Variants in CRIPTO observed in about 807,000 individuals in gnomAD.
CRIPTO encodes protein Cripto.
the CRIPTO span, among the ~76,000 whole-genome samples, chr3:46,575,299 C>T: frequency 6.6e-6 from 1 of 152,216 alleles, no homozygotes; most frequent in Non-Finnish European, 1.5e-5. Context: ...AGTCTACAGG[C>T]CGCCCAGTAG....
chr3:46,578,660 G>A, the CRIPTO span, among the ~76,000 whole-genome samples: 1 of 152,210 alleles, frequency 6.6e-6, no homozygotes, highest in South Asian at 2.1e-4. Context: ...AGCCGAGATC[G>A]CACCATTGCA....
the CRIPTO span, among the ~76,000 whole-genome samples, chr3:46,578,366 C>CA: frequency 6.5e-3 from 900 of 138,234 alleles, 15 homozygotes; most frequent in African/African-American, 0.023. Flanking sequence ...AAGATAATAG[C>CA]AAAAAAAAAA....
At chr3:46,579,774 G>C in the CRIPTO span, 2 of 1,613,156 alleles carry the variant, frequency 1.2e-6, no homozygotes, top group South Asian at 2.2e-5. Context: ...CCTGAATGGG[G>C]GAACCTGCAT....
At chr3:46,577,754 T>A in the CRIPTO span, 3 of 597,698 alleles carry the variant, frequency 5.0e-6, no homozygotes, top group Non-Finnish European at 9.0e-6. Flanking sequence ...AGTCTCCAGC[T>A]CAAGGTCAAA....
the CRIPTO span, among the ~76,000 whole-genome samples, chr3:46,575,789 A>G: frequency 3.3e-4 from 50 of 152,380 alleles, no homozygotes; most frequent in Non-Finnish European, 5.9e-5. Context: ...TGTCTTGTCC[A>G]TAAAGTGAGA....
chr3:46,580,090 C>CCT, the CRIPTO span: 1 of 1,614,142 alleles, frequency 6.2e-7, no homozygotes, highest in Admixed American at 1.7e-5. Context: ...TTTCTTTTGC[C>CCT]CTTTGAAGTT....
the CRIPTO span, chr3:46,581,116 C>A: frequency 1.5e-5 from 24 of 1,597,650 alleles, no homozygotes; most frequent in Middle Eastern, 1.7e-4. Context: ...AATGACCAAG[C>A]ATCCCTACCT....
chr3:46,578,126 G>T, the CRIPTO span: 7 of 1,037,548 alleles, frequency 6.7e-6, no homozygotes, highest in Non-Finnish European at 1.0e-5. Context: ...GCTGCCAACC[G>T]CACTGCTGTT....
the CRIPTO span, chr3:46,580,229 C>G: frequency 2.4e-6 from 2 of 840,468 alleles, no homozygotes; most frequent in Admixed American, 2.3e-5. Context: ...GCCTTGGCCT[C>G]TTTGATATTT....
chr3:46,580,624 A>G, the CRIPTO span, among the ~76,000 whole-genome samples: 1 of 152,186 alleles, frequency 6.6e-6, no homozygotes, highest in African/African-American at 2.4e-5. Context: ...AATACAATGA[A>G]AAGAAGGGCA....
chr3:46,576,806 T>A, the CRIPTO span, among the ~76,000 whole-genome samples: 1 of 152,070 alleles, frequency 6.6e-6, no homozygotes, highest in South Asian at 2.1e-4. Context: ...AGGATTGAAA[T>A]GTTAGGTGAG....
chr3:46,579,369 A>C, the CRIPTO span: 2 of 1,613,926 alleles, frequency 1.2e-6, no homozygotes, highest in Admixed American at 1.7e-5. Context: ...ACAGCACAGT[A>C]AGAACTGCCT....
At chr3:46,579,051 A>T in the CRIPTO span, 59 of 1,610,440 alleles carry the variant, frequency 3.7e-5, no homozygotes, top group Non-Finnish European at 4.9e-5. Flanking sequence ...GTAAGGTTTT[A>T]TTTCCTTTGT....
the CRIPTO span, among the ~76,000 whole-genome samples, chr3:46,575,006 T>G: frequency 6.6e-6 from 1 of 152,254 alleles, no homozygotes; most frequent in Non-Finnish European, 1.5e-5. Context: ...TGAGATGGGC[T>G]GCCTGTGATT....
chr3:46,581,831 A>G, the CRIPTO span: 1 of 204,976 alleles, frequency 4.9e-6, no homozygotes, highest in African/African-American at 2.3e-5. Context: ...TGATACATGT[A>G]ATTCTACCAA....
At chr3:46,581,121 C>T in the CRIPTO span, 62 of 1,608,736 alleles carry the variant, frequency 3.9e-5, no homozygotes, top group Non-Finnish European at 5.0e-5. Context: ...CCAAGCATCC[C>T]TACCTTCCAG....
chr3:46,580,698 G>GC, the CRIPTO span, among the ~76,000 whole-genome samples: 2 of 152,142 alleles, frequency 1.3e-5, no homozygotes, highest in Non-Finnish European at 2.9e-5. Context: ...GGTTTCTAGG[G>GC]CCCCCCAAAT....
the CRIPTO span, chr3:46,579,275 G>GAAT: frequency 3.7e-6 from 6 of 1,614,074 alleles, no homozygotes; most frequent in African/African-American, 6.7e-5. Flanking sequence ...GGGGATACCT[G>GAAT]GCCTTCAGAG....
chr3:46,577,979 A>C, the CRIPTO span: 1 of 1,614,234 alleles, frequency 6.2e-7, no homozygotes, highest in South Asian at 1.1e-5. Flanking sequence ...TATGGACTGC[A>C]GGAAGATGGC....
Sources: gnomAD v4.1 joint callset for allele counts (sites outside exome capture counted in the v4.1 genomes callset) on GRCh38, gnomAD v4.1.1 for gene constraint, MANE v1.5 for transcripts, NCBI Gene and HGNC (gene_info 2026-07-23, HGNC 2026-07-21) for gene names.